MBNL2: variants seen among roughly 807,000 people sequenced by gnomAD.
The protein encoded by MBNL2 is muscleblind-like protein 2.
In MBNL2, 17 loss-of-function variants were observed where a neutral mutation model predicts 41.9. The ratio of observed to expected loss-of-function variants is 0.41; its 90% CI spans 0.28 to 0.61. The LOEUF is 0.61. Ranked by LOEUF, MBNL2 falls within the 20% of genes least tolerant of loss-of-function variation. The probability of loss-of-function intolerance (pLI) is 0.35; values close to 1 mark genes in which losing one functional copy is unlikely to be tolerated. For missense variants in MBNL2, 336 were observed against 505.6 expected (o/e 0.66, Z 3.22); for synonymous variants, 195 against 182.9 (o/e 1.07, Z -0.53).
chr13:97,313,390 A>G (rs2058770287), intron 2 of MBNL2, among the ~76,000 whole-genome samples: 1 of 152,234 alleles, frequency 6.6e-6, no homozygotes, highest in Non-Finnish European at 1.5e-5. Flanking sequence ...GCTGCACAGA[A>G]GGAACTTGAA....
the MBNL2 span, among the ~76,000 whole-genome samples, chr13:97,211,033 T>C: frequency 5.9e-5 from 9 of 151,624 alleles, no homozygotes; most frequent in East Asian, 1.6e-3. Flanking sequence ...AGGGGTGAGG[T>C]ACATAACATT....
intron 2 of MBNL2, among the ~76,000 whole-genome samples, chr13:97,317,860 T>A (rs2059187782): frequency 6.6e-6 from 1 of 152,254 alleles, no homozygotes; most frequent in African/African-American, 2.4e-5. Flanking sequence ...TACTTAAATA[T>A]TACTTATTAC....
intron 5 of MBNL2, among the ~76,000 whole-genome samples, chr13:97,348,321 A>C (rs549727001): frequency 1.1e-3 from 172 of 152,052 alleles, no homozygotes; most frequent in African/African-American, 3.8e-3. Flanking sequence ...TTTACCTCCC[A>C]ATGTGTTGGG....
At chr13:97,317,492 C>T (rs1566413019) in intron 2 of MBNL2, among the ~76,000 whole-genome samples, 1 of 152,200 alleles carries the variant, frequency 6.6e-6, no homozygotes, top group South Asian at 2.1e-4. Flanking sequence ...GGGCTTTAGT[C>T]TTTTGCCATA....
intron 8 of MBNL2, among the ~76,000 whole-genome samples, chr13:97,373,239 C>T (rs1327784793): frequency 2.6e-5 from 4 of 152,136 alleles, no homozygotes; most frequent in African/African-American, 4.8e-5. Flanking sequence ...TAATCAGGGC[C>T]GAGACATCTC....
At position 97,309,304 on chromosome 13, in the gene MBNL2, C is replaced by A. The variant is rs2058379096; in HGVS notation, c.175-24972C>A. Reference sequence around the variant, plus strand: ...CATCACATCTCCCCCAAAATTCATACCTTGAAGTTCAAACCACTGTTGTTG... The same window carrying A: ...CATCACATCTCCCCCAAAATTCATAACTTGAAGTTCAAACCACTGTTGTTG... On this transcript the variant is annotated intron_variant, in intron 2 of 8. Transcript: ENST00000679496. Among the ~76,000 whole-genome samples, 4 of 152,150 alleles carry A rather than the reference C, an allele frequency of 2.6e-5. No homozygotes were observed. In the South Asian group the frequency reaches 8.3e-4, roughly 32 times the overall value.
chr13:97,294,096 C>T (rs1216843760), intron 2 of MBNL2, among the ~76,000 whole-genome samples: 2 of 151,924 alleles, frequency 1.3e-5, no homozygotes, highest in African/African-American at 2.4e-5. Flanking sequence ...TTTTTCATCT[C>T]GTGTAAGCTT....
intron 2 of MBNL2, among the ~76,000 whole-genome samples, chr13:97,294,085 C>G (rs945207475): frequency 3.3e-5 from 5 of 151,638 alleles, no homozygotes; most frequent in African/African-American, 1.2e-4. Context: ...TTTATTATAT[C>G]TTTTTCATCT....
At chr13:97,160,445 A>G in the MBNL2 span, among the ~76,000 whole-genome samples, 1 of 152,180 alleles carries the variant, frequency 6.6e-6, no homozygotes, top group African/African-American at 2.4e-5. Flanking sequence ...GATATGGCCT[A>G]ATTTCTTTGC....
At chr13:97,269,677 T>C (rs998401544) in intron 1 of MBNL2, among the ~76,000 whole-genome samples, 2 of 152,124 alleles carry the variant, frequency 1.3e-5, no homozygotes, top group African/African-American at 2.4e-5. Context: ...GGCTTAAGGT[T>C]TTTGTAGTGA....
intron 2 of MBNL2, among the ~76,000 whole-genome samples, chr13:97,318,343 C>A (rs1484708489): frequency 6.6e-6 from 1 of 152,104 alleles, no homozygotes; most frequent in Non-Finnish European, 1.5e-5. Flanking sequence ...GGGTTCAAAT[C>A]CTGGTTCTGT....
intron 2 of MBNL2, among the ~76,000 whole-genome samples, chr13:97,290,423 T>A (rs2055621636): frequency 6.6e-6 from 1 of 151,592 alleles, no homozygotes; most frequent in Non-Finnish European, 1.5e-5. Flanking sequence ...ACGCCTGTAA[T>A]CCCAGCACTT....
the MBNL2 span, among the ~76,000 whole-genome samples, chr13:97,162,805 T>C: frequency 6.6e-6 from 1 of 152,326 alleles, no homozygotes; most frequent in South Asian, 2.1e-4. Flanking sequence ...TCTTTTGAGA[T>C]CTATCATAAA....
intron 1 of MBNL2, among the ~76,000 whole-genome samples, chr13:97,222,974 C>T (rs532887389): frequency 3.3e-5 from 5 of 152,174 alleles, no homozygotes; most frequent in South Asian, 2.1e-4. Flanking sequence ...TTTGGCCAAA[C>T]GTATGTGTCT....
the MBNL2 span, among the ~76,000 whole-genome samples, chr13:97,160,127 A>T: frequency 6.6e-6 from 1 of 152,086 alleles, no homozygotes; most frequent in South Asian, 2.1e-4. Flanking sequence ...TAATTTTCTT[A>T]TGTTTAAAAA....
chr13:97,172,087 A>G, the MBNL2 span, among the ~76,000 whole-genome samples: 1 of 152,112 alleles, frequency 6.6e-6, no homozygotes, highest in Non-Finnish European at 1.5e-5. Context: ...CAGGTCTGCC[A>G]CTTTATTTTC....
chr13:97,245,060 G>A (rs1212391271), intron 1 of MBNL2, among the ~76,000 whole-genome samples: 1 of 152,156 alleles, frequency 6.6e-6, no homozygotes, highest in Non-Finnish European at 1.5e-5. Context: ...TAAATAAATA[G>A]TAATAAAACT....
intron 2 of MBNL2, among the ~76,000 whole-genome samples, chr13:97,295,242 C>T (rs896636215): frequency 2.1e-4 from 32 of 152,236 alleles, no homozygotes; most frequent in African/African-American, 7.0e-4. Context: ...TACAAACATA[C>T]CTTGAGGGAT....
At chr13:97,167,421 TAAATG>T in the MBNL2 span, among the ~76,000 whole-genome samples, 1 of 151,112 alleles carries the variant, frequency 6.6e-6, no homozygotes, top group African/African-American at 2.4e-5. Context: ...GTGTGTCTAA[TAAATG>T]AAAACCAGAA....
Sources: allele counts gnomAD v4.1 joint callset (sites outside exome capture counted in the v4.1 genomes callset), GRCh38; gene constraint gnomAD v4.1.1; transcripts MANE v1.5; gene names NCBI Gene and HGNC (gene_info 2026-07-23, HGNC 2026-07-21).